The following PPP1CB variants were observed in gnomAD, a reference collection of about 807,000 sequenced individuals.
PPP1CB encodes serine/threonine-protein phosphatase PP1-beta catalytic subunit.
A neutral mutation model predicts 43.7 loss-of-function variants in PPP1CB; 2 were observed. That is an observed-to-expected ratio of 0.05 (90% CI 0.02 to 0.14). The LOEUF is 0.14. PPP1CB is among the 10% of genes least tolerant of loss of function. The probability of loss-of-function intolerance (pLI) is 1.00; values close to 1 mark genes in which losing one functional copy is unlikely to be tolerated. For synonymous variants in PPP1CB, 136 were observed against 135.6 expected, an observed-to-expected ratio of 1.00 and a Z score of -0.02; for missense variants, 84 against 398.0, an observed-to-expected ratio of 0.21 and a Z score of 6.71.
At chr2:28,773,106 T>A (rs1379305032) in intron 1 of PPP1CB, among the ~76,000 whole-genome samples, 1 of 152,226 alleles carries the variant, frequency 6.6e-6, no homozygotes, top group Non-Finnish European at 1.5e-5. Flanking sequence ...TTCTGTACCT[T>A]GATCTGGATG....
intron 1 of PPP1CB, among the ~76,000 whole-genome samples, chr2:28,760,260 A>G (rs1458287896): frequency 6.6e-6 from 1 of 152,262 alleles, no homozygotes; most frequent in Admixed American, 6.5e-5. Flanking sequence ...GCTAATCGTT[A>G]CTAGAAAATT....
At chr2:28,788,316 A>G (rs1033700452) in intron 5 of PPP1CB, among the ~76,000 whole-genome samples, 1 of 152,354 alleles carries the variant, frequency 6.6e-6, no homozygotes, top group African/African-American at 2.4e-5. Context: ...TGTTGAGGAA[A>G]TACCACTGGG....
intron 6 of PPP1CB, among the ~76,000 whole-genome samples, chr2:28,792,411 C>T (rs1338748276): frequency 2.6e-5 from 4 of 151,938 alleles, no homozygotes; most frequent in Non-Finnish European, 4.4e-5. Context: ...GTCTCAGCTA[C>T]TCAGGAGGCT....
intron 1 of PPP1CB, among the ~76,000 whole-genome samples, chr2:28,754,485 C>G (rs1447393480): frequency 2.6e-5 from 4 of 152,182 alleles, no homozygotes; most frequent in Non-Finnish European, 4.4e-5. Context: ...AGCTCCCAGT[C>G]TAAACAAGTG....
chr2:28,773,173 A>G (rs909994889), intron 1 of PPP1CB, among the ~76,000 whole-genome samples: 1 of 152,230 alleles, frequency 6.6e-6, no homozygotes, highest in Admixed American at 6.5e-5. Flanking sequence ...CCATAAAGTT[A>G]GTATACTATA....
At chr2:28,775,834 C>T (rs1204664089) in intron 1 of PPP1CB, among the ~76,000 whole-genome samples, 1 of 152,164 alleles carries the variant, frequency 6.6e-6, no homozygotes, top group Non-Finnish European at 1.5e-5. Context: ...CTCCATGCAA[C>T]ATTCTGTTCC....
chr2:28,776,552 G>A (rs889319973), intron 1 of PPP1CB, among the ~76,000 whole-genome samples: 10 of 152,094 alleles, frequency 6.6e-5, no homozygotes, highest in Admixed American at 5.2e-4. Flanking sequence ...GAGCCACCGT[G>A]CCCGGCCCTG....
intron 1 of PPP1CB, among the ~76,000 whole-genome samples, chr2:28,758,441 G>A (rs1182963243): frequency 2.0e-5 from 3 of 152,240 alleles, no homozygotes; most frequent in Admixed American, 2.0e-4. Flanking sequence ...GTTTGTAAAT[G>A]TCAGTAGGTT....
At chr2:28,769,235 G>C (rs915484044) in intron 1 of PPP1CB, among the ~76,000 whole-genome samples, 6 of 152,100 alleles carry the variant, frequency 3.9e-5, no homozygotes, top group African/African-American at 1.2e-4. Context: ...TGACAACCTA[G>C]AATTCTTTAT....
intron 1 of PPP1CB, among the ~76,000 whole-genome samples, chr2:28,752,585 GTTCTC>G (rs1666343034): frequency 6.6e-6 from 1 of 152,194 alleles, no homozygotes; most frequent in Non-Finnish European, 1.5e-5. Context: ...GTTCTTCTCT[GTTCTC>G]TTTGTGCATT....
intron 2 of PPP1CB, chr2:28,778,441 G>A (rs1267819092): frequency 2.1e-6 from 1 of 475,608 alleles, no homozygotes. Flanking sequence ...TCATCTGAAG[G>A]TTGAACTGTG....
chr2:28,791,840 T>G (rs1667393250), intron 6 of PPP1CB, among the ~76,000 whole-genome samples: 1 of 152,200 alleles, frequency 6.6e-6, no homozygotes, highest in Non-Finnish European at 1.5e-5. Flanking sequence ...GTTTGCATGG[T>G]CTTTTGTTTT....
intron 1 of PPP1CB, among the ~76,000 whole-genome samples, chr2:28,759,358 A>G (rs1370852920): frequency 1.3e-5 from 2 of 152,156 alleles, no homozygotes; most frequent in East Asian, 2.0e-4. Context: ...TCTACTAAAA[A>G]TACAAAAATT....
At position 28,802,516 on chromosome 2, in the gene PPP1CB, G is replaced by T. The variant is rs1667643341; in HGVS notation, c.*3213G>T. ...AAGTAGGCTTTCCCTCTTCCTAGTAGATCTCAATGTTTTATAATTCCTTAA... is the reference window on the plus strand; with the variant it reads ...AAGTAGGCTTTCCCTCTTCCTAGTATATCTCAATGTTTTATAATTCCTTAA... On this transcript the variant is annotated 3_prime_UTR_variant, in exon 8 of 8. Coordinates refer to ENST00000395366, the MANE Select transcript of PPP1CB (RefSeq NM_002709.3). 6.6e-6 allele frequency: 1 copy of T among 152,142 alleles called. No individual in the cohort carries two copies. Among genetic ancestry groups the T allele is most frequent in the South Asian group, 2.1e-4 (1 of 4,834 alleles). 9.4% of individuals were successfully genotyped at this position (152,142 alleles called of 1,614,324 possible).
rs770368744 is a variant in PPP1CB at position 28,751,851 on chromosome 2, G to A, written c.-274G>A. 1.8e-6 allele frequency: 1 copy of A among 546,838 alleles called. No individual in the cohort carries two copies. Among genetic ancestry groups the A allele is most frequent in the Non-Finnish European group, 3.3e-6 (1 of 301,210 alleles). The allele number at this position is 546,838 out of a possible 1,614,324, so 33.9% of individuals were successfully genotyped here. A position where few individuals can be genotyped will look rare whatever the true frequency, so the allele number is the denominator to read the frequency against. On this transcript the variant is annotated 5_prime_UTR_variant, in exon 1 of 8. Transcript: ENST00000395366. The stretch of plus-strand genomic sequence containing the variant: ...CTTTGCGGAGCTGGGCGGTGCCGAG[G>A]AGGAGGAGGTGGCGGCCTGGGTCTG...
At chr2:28,788,221 G>A (rs10182825) in intron 5 of PPP1CB, among the ~76,000 whole-genome samples, 13,589 of 152,212 alleles carry the variant, frequency 0.089, 1,335 homozygotes, top group African/African-American at 0.23. Context: ...GCTCTAGTCT[G>A]TTATTGGCTC....
chr2:28,780,584 G>A (rs1238615139), intron 3 of PPP1CB, among the ~76,000 whole-genome samples: 1 of 152,104 alleles, frequency 6.6e-6, no homozygotes, highest in African/African-American at 2.4e-5. Context: ...ATAAAAGATA[G>A]GCAAGAATGT....
chr2:28,783,441 A>T (rs1032565588), intron 4 of PPP1CB, among the ~76,000 whole-genome samples: 5 of 152,188 alleles, frequency 3.3e-5, no homozygotes, highest in African/African-American at 7.2e-5. Flanking sequence ...TGGAATTCCT[A>T]ATAACTCTGT....
upstream of PPP1CB, chr2:28,751,802 G>A (rs1395587335): frequency 4.5e-6 from 2 of 444,500 alleles, no homozygotes; most frequent in Non-Finnish European, 8.2e-6. Flanking sequence ...CGCTGCGGGT[G>A]GGGCCGTCGG....
Sources: allele counts gnomAD v4.1 joint callset (sites outside exome capture counted in the v4.1 genomes callset), GRCh38; gene constraint gnomAD v4.1.1; transcripts MANE v1.5; gene names NCBI Gene and HGNC (gene_info 2026-07-23, HGNC 2026-07-21).